PTPN11: variants seen among roughly 807,000 people sequenced by gnomAD.
The protein encoded by PTPN11 is protein tyrosine phosphatase non-receptor type 11.
A neutral mutation model predicts 78.8 loss-of-function variants in PTPN11; 6 were observed. The observed-to-expected ratio is 0.08, with a 90% confidence interval of 0.04 to 0.15. The LOEUF (loss-of-function observed/expected upper bound fraction) is 0.15. Ranked by LOEUF, PTPN11 falls within the 10% of genes least tolerant of loss-of-function variation. PTPN11 has a pLI of 1.00. For missense variants in PTPN11, 386 were observed against 744.8 expected (o/e 0.52, Z 5.61); for synonymous variants, 221 against 263.5 (o/e 0.84, Z 1.56).
intron 7 of PTPN11, among the ~76,000 whole-genome samples, chr12:112,477,449 T>C (rs573012652): frequency 6.6e-6 from 1 of 152,310 alleles, no homozygotes; most frequent in Non-Finnish European, 1.5e-5. Context: ...TGATCAAAAC[T>C]AGGAAATTGT....
At chr12:112,444,802 T>C (rs937268242) in intron 1 of PTPN11, among the ~76,000 whole-genome samples, 1 of 152,196 alleles carries the variant, frequency 6.6e-6, no homozygotes, top group African/African-American at 2.4e-5. Context: ...CTGCAGTTTG[T>C]CTCCTGTGTC....
intron 13 of PTPN11, among the ~76,000 whole-genome samples, chr12:112,500,992 A>G (rs1290199433): frequency 1.3e-5 from 2 of 151,386 alleles, no homozygotes; most frequent in African/African-American, 2.4e-5. Context: ...GCAGCCTTGA[A>G]TTCCTGGGCT....
intron 13 of PTPN11, among the ~76,000 whole-genome samples, chr12:112,496,058 A>G (rs924729304): frequency 2.0e-5 from 3 of 152,244 alleles, no homozygotes; most frequent in Non-Finnish European, 2.9e-5. Context: ...ACTAGTTTCT[A>G]TATACATTAT....
Position 112,419,376 on chromosome 12 carries a change from T to TCAGG in PTPN11, c.14+253_14+256dup, listed in dbSNP as rs1243345199. Among the ~76,000 whole-genome samples, 14 of 152,206 alleles carry TCAGG rather than the reference T, an allele frequency of 9.2e-5. 1 individual carries two copies. The South Asian group carries it at 2.3e-3, about 25-fold the overall frequency. On this transcript the variant is annotated intron_variant, in intron 1 of 15. Transcript: ENST00000351677. ...GCTGCGGCAGCCCCGGGGATGCCCG[T>TCAGG]CAGGCCCGGGGCAGGTAGAGCCGCC...
At chr12:112,446,010 C>T (rs1380719588) in intron 1 of PTPN11, among the ~76,000 whole-genome samples, 1 of 152,074 alleles carries the variant, frequency 6.6e-6, no homozygotes, top group Non-Finnish European at 1.5e-5. Flanking sequence ...GGGCCTGGCC[C>T]CCTCAGTGCA....
Position 112,486,647 on chromosome 12 carries a change from C to T in PTPN11, c.1379+18C>T, listed in dbSNP as rs2038682009. On this transcript the variant is annotated intron_variant, in intron 11 of 15. Transcript: ENST00000351677. ...CACTGCAGGTGACAGCTCCTGCTGC[C>T]CCTCTAGGCCACAGCCTGTCCCTGT... 2.5e-6 allele frequency: 4 copies of T among 1,611,498 alleles called. No homozygotes were observed. The highest frequency in any genetic ancestry group is 1.1e-5 in the South Asian group (1 of 90,852).
chr12:112,484,916 A>G (rs1182691702), intron 10 of PTPN11, among the ~76,000 whole-genome samples: 1 of 151,976 alleles, frequency 6.6e-6, no homozygotes, highest in Non-Finnish European at 1.5e-5. Flanking sequence ...AAAAATTAAA[A>G]AAAAAAGAAG....
At position 112,419,003 on chromosome 12, in the gene PTPN11, C is replaced by T; in HGVS notation, c.-109C>T. The T allele has an allele frequency of 7.0e-7, 1 of 1,424,666 alleles. No homozygotes were observed. The allele number at this position is 1,424,666 out of a possible 1,614,324, so 88.3% of individuals were successfully genotyped here. On this transcript the variant is annotated 5_prime_UTR_variant, in exon 1 of 16. Transcript: ENST00000351677. The stretch of plus-strand genomic sequence containing the variant: ...TCTGTGCGCGGCCGGCTGGCTCTGC[C>T]CCGCGTCCGGTCCCGAGCGGGCCTC...
intron 10 of PTPN11, among the ~76,000 whole-genome samples, chr12:112,484,920 AAAG>A (rs766641845): frequency 5.2e-4 from 79 of 152,124 alleles, no homozygotes; most frequent in African/African-American, 1.5e-3. Flanking sequence ...ATTAAAAAAA[AAAG>A]AAGAAGAAAA....
At chr12:112,430,320 A>G (rs530874545) in intron 1 of PTPN11, among the ~76,000 whole-genome samples, 88 of 152,292 alleles carry the variant, frequency 5.8e-4, no homozygotes, top group African/African-American at 2.0e-3. Context: ...CTTTTTTCTT[A>G]TTATCAGAGC....
chr12:112,503,587 GA>G (rs1392087301), intron 14 of PTPN11, among the ~76,000 whole-genome samples: 1 of 152,140 alleles, frequency 6.6e-6, no homozygotes. Flanking sequence ...GACTGCCTGG[GA>G]AAATTGATAT....
chr12:112,489,071 T>C lies in PTPN11; in HGVS notation c.1495T>C (p.Ser499Pro). 1 of 1,614,130 alleles carries C rather than the reference T, an allele frequency of 6.2e-7. No homozygotes were observed. The highest frequency in any genetic ancestry group is 8.5e-7 in the Non-Finnish European group (1 of 1,180,022). ...TCCCAAAACCATCCAGATGGTGCGG[T>C]CTCAGAGGTCAGGGATGGTCCAGAC... ...DVPKTIQMVR[S>P]QRSGMVQTEA... The change falls in exon 13 of 16, where the codon TCT becomes CCT. Residue 499 changes from serine to proline, a missense_variant. By Grantham distance (74) the Ser-to-Pro change is moderately conservative (BLOSUM62 -1). Transcript: ENST00000351677.
intron 1 of PTPN11, among the ~76,000 whole-genome samples, chr12:112,444,678 A>C (rs2037963526): frequency 6.6e-6 from 1 of 152,196 alleles, no homozygotes; most frequent in Non-Finnish European, 1.5e-5. Context: ...TAGTTAAAAA[A>C]ATAGGAAACT....
chr12:112,438,406 C>T (rs576552800), intron 1 of PTPN11, among the ~76,000 whole-genome samples: 1 of 152,130 alleles, frequency 6.6e-6, no homozygotes, highest in Non-Finnish European at 1.5e-5. Flanking sequence ...TTACTGCATC[C>T]TCAAGCTGCT....
intron 13 of PTPN11, among the ~76,000 whole-genome samples, chr12:112,495,677 A>G (rs756204189): frequency 3.3e-5 from 5 of 152,236 alleles, no homozygotes; most frequent in Non-Finnish European, 7.3e-5. Context: ...TAAGTCAAAA[A>G]TGCATTTAAT....
Position 112,502,247 on chromosome 12 carries a change from C to T in PTPN11, c.1703C>T (p.Pro568Leu), listed in dbSNP as rs2038884653. The T allele has an allele frequency of 1.2e-6, 2 of 1,612,178 alleles. No homozygotes were observed. Among genetic ancestry groups the T allele is most frequent in the African/African-American group, 1.3e-5 (1 of 74,944 alleles). ...CTCCCGCCTTGTACTCCAACGCCAC[C>T]CTGTGCAGAGTAAGTAGTGCTGAAG... The part of the protein sequence containing the change: ...SPLPPCTPTP[P>L]CAEMREDSAR... Residue 568 changes from proline to leucine, a missense_variant, in exon 14 of 16, where the codon CCC (proline) becomes CTC (leucine). By Grantham distance (98) the Pro-to-Leu change is moderately conservative. Around this residue, in one of 3 missense-constraint regions of PTPN11, gnomAD observed 44 missense variants for 59.3 expected, o/e 0.74. Transcript: ENST00000351677.
At chr12:112,494,740 C>G (rs1391999353) in intron 13 of PTPN11, among the ~76,000 whole-genome samples, 1 of 152,200 alleles carries the variant, frequency 6.6e-6, no homozygotes, top group Non-Finnish European at 1.5e-5. Context: ...TCAATTACTG[C>G]TCTATTTGAG....
chr12:112,454,457 A>G (rs1202773837), intron 4 of PTPN11, 107 bp from the exon 5 acceptor site: 6 of 857,794 alleles, frequency 7.0e-6, no homozygotes, highest in East Asian at 4.9e-5. Flanking sequence ...AGTTGTCTCT[A>G]TATACTAGCT....
chr12:112,489,326 C>CTT, intron 13 of PTPN11, 151 bp downstream of exon 13: 2 of 950,470 alleles, frequency 2.1e-6, no homozygotes, highest in Non-Finnish European at 3.3e-6. Flanking sequence ...CCTCTGGAAA[C>CTT]TGTCAATTAT....
Sources: gnomAD v4.1 joint callset for allele counts (sites outside exome capture counted in the v4.1 genomes callset) on GRCh38, gnomAD v4.1.1 for gene constraint, gnomAD v4.1.1 regional missense constraint, MANE v1.5 for transcripts, NCBI Gene and HGNC (gene_info 2026-07-23, HGNC 2026-07-21) for gene names.